ABCA2: variants seen among roughly 807,000 people sequenced by gnomAD.
ABCA2 encodes ATP binding cassette subfamily A member 2.
ABCA2 carries 84 observed loss-of-function variants against 262.8 expected under a neutral mutation model. The ratio of observed to expected loss-of-function variants is 0.32; its 90% CI spans 0.27 to 0.38. The LOEUF is 0.38. Ranked by LOEUF, ABCA2 falls within the 10% of genes least tolerant of loss-of-function variation. The probability of loss-of-function intolerance (pLI) is 1.00; values close to 1 mark genes in which losing one functional copy is unlikely to be tolerated. For synonymous variants in ABCA2, 1,696 were observed against 1,502.9 expected (o/e 1.13, Z -2.97); for missense variants, 2,662 against 3,405.9 (o/e 0.78, Z 5.44).
chr9:137,011,876 T>C lies in ABCA2; in HGVS notation c.5503A>G (p.Ile1835Val). Residue 1835 changes from isoleucine (I) to valine (V), a missense_variant, in exon 35 of 49, where the codon ATC (isoleucine) becomes GTC (valine). Ile to Val is a conservative substitution (Grantham distance 29, BLOSUM62 3). This residue lies in a region of ABCA2 where 602 missense variants were observed against 897.4 expected (regional missense o/e 0.67). Coordinates refer to ENST00000341511, the MANE Select transcript of ABCA2 (RefSeq NM_001606.5). This position sits in a 1 kb window ranked among gnomAD's most constrained non-coding sequence, Gnocchi z 8.8. ...LQFVSGCNPI[I>V]YWLANYVWDM... ...CACACGTAGTTCGCCAGCCAGTAGA[T>C]GATGGGGTTGCAGCCGCTGACAAAC... The C allele has an allele frequency of 6.2e-7, 1 of 1,609,130 alleles. No homozygotes were observed. The highest frequency in any genetic ancestry group is 8.5e-7 in the Non-Finnish European group (1 of 1,178,336).
At chr9:137,015,921 G>A in intron 22 of ABCA2, 41 bp downstream of exon 22, 1 of 1,598,198 alleles carries the variant, frequency 6.3e-7, no homozygotes. Context: ...GAGCCCCAGG[G>A]CCTCCGCCCA....
Position 137,022,863 on chromosome 9 carries a change from A to G in ABCA2, c.278T>C (p.Val93Ala). 5 of 1,301,010 alleles carry G rather than the reference A, an allele frequency of 3.8e-6. No homozygotes were observed. The highest frequency in any genetic ancestry group is 5.0e-6 in the Non-Finnish European group (5 of 996,804). The allele number at this position is 1,301,010 out of a possible 1,614,324, so 80.6% of individuals were successfully genotyped here. The change falls in exon 5 of 49, where the codon GTC becomes GCC. Residue 93 changes from valine (V) to alanine (A), a missense_variant and splice_region_variant. Val to Ala is a moderately conservative substitution (Grantham distance 64, BLOSUM62 0). Around this residue, in one of 12 missense-constraint regions of ABCA2, gnomAD observed 101 missense variants for 152.3 expected, o/e 0.66. Transcript: ENST00000341511. ...FGFLQYANST[V>A]TQLLERLDRV... ...GTCCAGGCGCTCAAGCAGCTGCGTG[A>G]CCCTGCACCATGGCGGATGTCACTC...
chr9:137,021,170 G>A lies in ABCA2; in HGVS notation c.898-109C>T. On this transcript the variant is annotated intron_variant, in intron 8 of 48. Coordinates refer to ENST00000341511, the MANE Select transcript of ABCA2 (RefSeq NM_001606.5). The surrounding 1 kb of genome is among the most constrained non-coding windows in gnomAD (Gnocchi z 6.0). ...CAGCAGGGAGACACAAGCTAGGGGT[G>A]CTGGGAGGGAGTCTGCAGCCTGGGT... 7.1e-7 allele frequency: 1 copy of A among 1,411,576 alleles called. No homozygotes were observed. The highest frequency in any genetic ancestry group is 1.5e-5 in the South Asian group (1 of 67,472). The allele number at this position is 1,411,576 out of a possible 1,614,324, so 87.4% of individuals were successfully genotyped here. A position where few individuals can be genotyped will look rare whatever the true frequency, so the allele number is the denominator to read the frequency against.
chr9:137,021,282 T>C lies in ABCA2; in HGVS notation c.897+110A>G. 7.2e-7 allele frequency: 1 copy of C among 1,387,990 alleles called. No individual in the cohort carries two copies. The highest frequency in any genetic ancestry group is 9.7e-7 in the Non-Finnish European group (1 of 1,027,316). The allele number at this position is 1,387,990 out of a possible 1,614,324, so 86.0% of individuals were successfully genotyped here. On this transcript the variant is annotated intron_variant, in intron 8 of 48. Transcript: ENST00000341511. This position sits in a 1 kb window ranked among gnomAD's most constrained non-coding sequence, Gnocchi z 6.0. ...ATTGGATACCCACCCACAGGCAGCATCCCACGCACAGCCTGGGCCCAGGAG... is the reference window on the plus strand; with the variant it reads ...ATTGGATACCCACCCACAGGCAGCACCCCACGCACAGCCTGGGCCCAGGAG...
Position 137,021,036 on chromosome 9 carries a change from G to T in ABCA2, c.923C>A (p.Ser308Ter). ...GGGTGGCGCCTGTGGCGAGGAGTCCGAGCCGTTGGGGGCATCCAGGCCCAG... is the reference window on the plus strand; with the variant it reads ...GGGTGGCGCCTGTGGCGAGGAGTCCTAGCCGTTGGGGGCATCCAGGCCCAG... ...QQLGLDAPNGSDSSPQAPPPR... is the reference protein window; with the variant it reads ...QQLGLDAPNG The change falls in exon 9 of 49, where the codon TCG becomes TAG. Residue 308 changes from serine to a stop codon, truncating the protein, a stop_gained. Transcript: ENST00000341511. LOFTEE classifies it high-confidence loss of function. The surrounding 1 kb of genome is among the most constrained non-coding windows in gnomAD (Gnocchi z 6.0). The T allele has an allele frequency of 6.7e-7, 1 of 1,482,594 alleles. No homozygotes were observed. Among genetic ancestry groups the T allele is most frequent in the East Asian group, 2.4e-5 (1 of 40,836 alleles). The allele number at this position is 1,482,594 out of a possible 1,614,324, so 91.8% of individuals were successfully genotyped here. A position where few individuals can be genotyped will look rare whatever the true frequency, so the allele number is the denominator to read the frequency against.
intron 3 of ABCA2, chr9:137,023,323 G>C: frequency 1.5e-6 from 1 of 672,574 alleles, no homozygotes; most frequent in Admixed American, 2.1e-5. Context: ...TTTCCTTTCA[G>C]CCAGTGCAGG....
At chr9:137,015,648 C>A (rs749398957) in intron 23 of ABCA2, 27 bp downstream of exon 23, 40 of 1,610,124 alleles carry the variant, frequency 2.5e-5, no homozygotes, top group Non-Finnish European at 2.8e-5. Flanking sequence ...GCCGCCCGCA[C>A]CCCTGCCCAC....
chr9:137,028,208 G>T lies in ABCA2; in HGVS notation c.-68C>A. On this transcript the variant is annotated 5_prime_UTR_variant, in exon 1 of 49. The change creates a new upstream start codon in the 5' untranslated region. Coordinates refer to ENST00000341511, the MANE Select transcript of ABCA2 (RefSeq NM_001606.5). This position sits in a 1 kb window ranked among gnomAD's most constrained non-coding sequence, Gnocchi z 6.9. ...TCTGCGCGCCCCGCCGGGCCCCGCA[G>T]CCCGCCGCGCCGCTGGGCATCGCCC... 1 of 976,430 alleles carries T rather than the reference G, an allele frequency of 1.0e-6. No homozygotes were observed. Among genetic ancestry groups the T allele is most frequent in the Non-Finnish European group, 1.2e-6 (1 of 825,218 alleles). 60.5% of individuals were successfully genotyped at this position (976,430 alleles called of 1,614,324 possible). A position where few individuals can be genotyped will look rare whatever the true frequency, so the allele number is the denominator to read the frequency against.
chr9:137,016,908 G>T lies in ABCA2; in HGVS notation c.2758+12C>A. On this transcript the variant is annotated intron_variant, in intron 19 of 48. Transcript: ENST00000341511. Reference sequence around the variant, plus strand: ...CCTGCCTCTCCCCTGCCCTCCAAGGGCTGGCCAGTACCTGGGTGCACAGCC... The same window carrying T: ...CCTGCCTCTCCCCTGCCCTCCAAGGTCTGGCCAGTACCTGGGTGCACAGCC... The T allele has an allele frequency of 6.2e-7, 1 of 1,610,880 alleles. No homozygotes were observed. Among genetic ancestry groups the T allele is most frequent in the Non-Finnish European group, 8.5e-7 (1 of 1,178,938 alleles).
At chr9:137,012,963 A>T in intron 30 of ABCA2, 38 bp from the exon 31 acceptor site, 1 of 1,480,886 alleles carries the variant, frequency 6.8e-7, no homozygotes, top group South Asian at 1.3e-5. Context: ...AGGACCCCTC[A>T]CTGCCCCTGC....
rs763726742 is a variant in ABCA2 at position 137,010,957 on chromosome 9, C to G, written c.6056+16G>C. 1 of 1,378,812 alleles carries G rather than the reference C, an allele frequency of 7.3e-7. No individual in the cohort carries two copies. Among genetic ancestry groups the G allele is most frequent in the African/African-American group, 1.5e-5 (1 of 67,696 alleles). 85.4% of individuals were successfully genotyped at this position (1,378,812 alleles called of 1,614,324 possible). A position where few individuals can be genotyped will look rare whatever the true frequency, so the allele number is the denominator to read the frequency against. Reference sequence around the variant, plus strand: ...TGCTCCCGCCCCGCCCCCGCCCCACCCCGCCCCCCACTCACTGTGGCCGCC... The same window carrying G: ...TGCTCCCGCCCCGCCCCCGCCCCACGCCGCCCCCCACTCACTGTGGCCGCC... On this transcript the variant is annotated intron_variant, in intron 39 of 48. Transcript: ENST00000341511.
In ABCA2 at chr9:137,009,690, C is replaced by A. The variant is rs372554758; in HGVS notation, c.6631-46G>T. 4.7e-5 allele frequency: 75 copies of A among 1,611,910 alleles called. No homozygotes were observed. In the African/African-American group the frequency reaches 9.3e-4, roughly 20 times the overall value. On this transcript the variant is annotated intron_variant, in intron 43 of 48. Transcript: ENST00000341511. ...CAGCTGCTGCCAGGCCCACACACCC[C>A]AGCCTGAACGCTGCCCCTGCCCGTG... is the stretch of plus-strand genomic sequence containing the variant.
At chr9:137,024,990 G>C (rs1831604006) in intron 1 of ABCA2, among the ~76,000 whole-genome samples, 2 of 152,148 alleles carry the variant, frequency 1.3e-5, no homozygotes, top group African/African-American at 4.8e-5. Context: ...AGTAGAGACG[G>C]GGTTTCACCG....
chr9:137,011,515 C>T lies in ABCA2; in HGVS notation c.5691G>A (p.Trp1897Ter), dbSNP rs756714706. 1 of 1,595,800 alleles carries T rather than the reference C, an allele frequency of 6.3e-7. No individual in the cohort carries two copies. The highest frequency in any genetic ancestry group is 1.1e-5 in the South Asian group (1 of 88,782). ...ITPIMYPASF[W>*]FEVPSSAYVF... ...CGTAGGCGGAGCTGGGGACCTCGAACCAGAAGGAGGCCGGGTACATGATGG... is the reference window on the plus strand; with the variant it reads ...CGTAGGCGGAGCTGGGGACCTCGAATCAGAAGGAGGCCGGGTACATGATGG... The change falls in exon 37 of 49, where the codon TGG becomes TGA. Residue 1897 changes from tryptophan to a stop codon, truncating the protein, a stop_gained. Coordinates refer to ENST00000341511, the MANE Select transcript of ABCA2 (RefSeq NM_001606.5). LOFTEE classifies it high-confidence loss of function. This position sits in a 1 kb window ranked among gnomAD's most constrained non-coding sequence, Gnocchi z 8.8.
intron 28 of ABCA2, 72 bp from the exon 29 acceptor site, chr9:137,013,635 TCCC>T: frequency 6.8e-7 from 1 of 1,472,736 alleles, no homozygotes; most frequent in East Asian, 2.4e-5. Context: ...TCGGTCCCCT[TCCC>T]CCAACCCCAA....
At chr9:137,023,881 G>T in intron 2 of ABCA2, 41 bp from the exon 3 acceptor site, 2 of 939,026 alleles carry the variant, frequency 2.1e-6, no homozygotes, top group Non-Finnish European at 3.5e-6. Flanking sequence ...CGGGGAGGGA[G>T]GGGGATCAAA....
chr9:137,014,852 A>G (rs1054463001), intron 25 of ABCA2, 42 bp from the exon 26 acceptor site: 17 of 1,582,532 alleles, frequency 1.1e-5, no homozygotes, highest in Non-Finnish European at 1.5e-5. Context: ...AGGGACGCCC[A>G]GGCAGGAGTG....
At position 137,023,824 on chromosome 9, in the gene ABCA2, G is replaced by T; in HGVS notation, c.163+14C>A. On this transcript the variant is annotated intron_variant, in intron 3 of 48. Transcript: ENST00000341511. ...CTGCCCAGGCCAGCCAGGAGGAGGT[G>T]GCCGCTCACTTACAGACTGCATGCC... 1 of 776,730 alleles carries T rather than the reference G, an allele frequency of 1.3e-6. No homozygotes were observed. The highest frequency in any genetic ancestry group is 2.5e-5 in the East Asian group (1 of 40,242). 48.1% of individuals were successfully genotyped at this position (776,730 alleles called of 1,614,324 possible). A position where few individuals can be genotyped will look rare whatever the true frequency, so the allele number is the denominator to read the frequency against.
Position 137,021,752 on chromosome 9 carries a change from G to T in ABCA2, c.678+139C>A. On this transcript the variant is annotated intron_variant, in intron 7 of 48. Transcript: ENST00000341511. The surrounding 1 kb of genome is among the most constrained non-coding windows in gnomAD (Gnocchi z 6.0). ...CGACATGCCTCTACCCCTCATGCCT[G>T]CCATAGACCCCTGGGACCCTCCCCC... 8.2e-7 allele frequency: 1 copy of T among 1,220,372 alleles called. No individual in the cohort carries two copies. 75.6% of individuals were successfully genotyped at this position (1,220,372 alleles called of 1,614,324 possible). A position where few individuals can be genotyped will look rare whatever the true frequency, so the allele number is the denominator to read the frequency against.
Sources: allele counts gnomAD v4.1 joint callset (sites outside exome capture counted in the v4.1 genomes callset), GRCh38; gene constraint gnomAD v4.1.1; regional missense constraint gnomAD v4.1.1; non-coding constraint Gnocchi (gnomAD v3.1); transcripts MANE v1.5; gene names NCBI Gene and HGNC (gene_info 2026-07-23, HGNC 2026-07-21).